The following PEAK1 variants were observed in gnomAD, a reference collection of about 807,000 sequenced individuals.
PEAK1 encodes the protein pseudopodium enriched atypical kinase 1.
Under a neutral mutation model 124.7 loss-of-function variants are expected in PEAK1, and 54 were observed. The observed-to-expected ratio is 0.43, with a 90% CI of 0.35 to 0.54. The LOEUF (loss-of-function observed/expected upper bound fraction) is 0.54, where lower values mean the gene tolerates loss of function less well. PEAK1 is among the 20% of genes least tolerant of loss of function. PEAK1 has a pLI of 0.01. For synonymous variants in PEAK1, 719 were observed against 760.0 expected (o/e 0.95, Z 0.89); for missense variants, 2,046 against 2,134.5 (o/e 0.96, Z 0.82).
chr15:77,324,677 G>A (rs970651346), intron 2 of PEAK1, among the ~76,000 whole-genome samples: 2 of 152,128 alleles, frequency 1.3e-5, no homozygotes, highest in African/African-American at 2.4e-5. Context: ...AGAAGGCAAA[G>A]GGGGAGGAGG....
intron 2 of PEAK1, among the ~76,000 whole-genome samples, chr15:77,360,463 A>G (rs1261488990): frequency 1.3e-5 from 2 of 152,218 alleles, no homozygotes; most frequent in African/African-American, 2.4e-5. Flanking sequence ...ATCATTTCTC[A>G]TAAGAGATTT....
intron 2 of PEAK1, among the ~76,000 whole-genome samples, chr15:77,321,125 T>C (rs914323229): frequency 2.0e-5 from 3 of 152,236 alleles, no homozygotes; most frequent in Non-Finnish European, 4.4e-5. Context: ...AACATATGTG[T>C]GCATGTGTCT....
rs761199352 is a variant in PEAK1 at position 77,115,166 on chromosome 15, G to C, written c.4231C>G (p.Pro1411Ala). 1.2e-6 allele frequency: 2 copies of C among 1,614,028 alleles called. No individual in the cohort carries two copies. The highest frequency in any genetic ancestry group is 1.1e-5 in the South Asian group (1 of 91,080). The change falls in exon 10 of 10, where the codon CCT becomes GCT. Residue 1411 changes from proline (P) to alanine (A), a missense_variant. Pro to Ala is a conservative substitution (Grantham distance 27). Coordinates refer to ENST00000682557, the MANE Select transcript of PEAK1 (RefSeq NM_001385026.1). ...TCCATGTCATCCTCATCCTTTTCAG[G>C]GTCATCTGGATCCTCCCAGGGAAGC... is the stretch of plus-strand genomic sequence containing the variant. Reference protein sequence around the residue: ...RLLPWEDPDDPEKDEDDMEET... With the variant: ...RLLPWEDPDDAEKDEDDMEET...
chr15:77,328,834 A>T (rs1266820498), intron 2 of PEAK1, among the ~76,000 whole-genome samples: 6 of 152,202 alleles, frequency 3.9e-5, no homozygotes, highest in Non-Finnish European at 5.9e-5. Flanking sequence ...AGGAAGCAAC[A>T]ACAAACACAT....
intron 2 of PEAK1, among the ~76,000 whole-genome samples, chr15:77,353,340 T>C (rs1451057608): frequency 6.6e-6 from 1 of 152,146 alleles, no homozygotes; most frequent in African/African-American, 2.4e-5. Context: ...AAGTTTGGGA[T>C]GGCTGCTATA....
intron 5 of PEAK1, among the ~76,000 whole-genome samples, chr15:77,256,465 GCTTA>G (rs891619946): frequency 1.3e-5 from 2 of 151,824 alleles, no homozygotes; most frequent in African/African-American, 4.8e-5. Context: ...GAATCTGATA[GCTTA>G]CTGAGGAGAT....
rs2057264971 is a variant in PEAK1, at chr15:77,181,435, C to T, written c.492G>A (p.Gln164=). 3 of 1,614,014 alleles carry T rather than the reference C, an allele frequency of 1.9e-6. No homozygotes were observed. In the Admixed American group the frequency reaches 5.0e-5, roughly 27 times the overall value. ...TGGAGTTTGTTTCATTTCCTCTTAT[C>T]TGAGGGGCAGTATCCAAGCCTGCTA... ...KEIAGLDTAP[Q]IRGNETNSRE... The change falls in exon 7 of 10, where the codon CAG becomes CAA. Residue 164 remains glutamine, a synonymous_variant. Coordinates refer to ENST00000682557, the MANE Select transcript of PEAK1 (RefSeq NM_001385026.1).
rs1331277612 is a variant in PEAK1, at chr15:77,350,346, A to G, written c.-603+14817T>C. The G allele has an allele frequency of 9.1e-6, 9 of 985,314 alleles. No homozygotes were observed. In the Admixed American group the frequency reaches 4.9e-4, roughly 54 times the overall value. The allele number at this position is 985,314 out of a possible 1,614,324, so 61.0% of individuals were successfully genotyped here. On this transcript the variant is annotated intron_variant, in intron 2 of 9. Coordinates refer to ENST00000682557, the MANE Select transcript of PEAK1 (RefSeq NM_001385026.1). The stretch of plus-strand genomic sequence containing the variant: ...GAAATAGTCATGGCCAGAGAGTATC[A>G]TCAAATTAACTACTTAGCTCAGTTC...
At chr15:77,340,269 T>C (rs999066247) in intron 2 of PEAK1, among the ~76,000 whole-genome samples, 1 of 152,186 alleles carries the variant, frequency 6.6e-6, no homozygotes, top group Non-Finnish European at 1.5e-5. Context: ...GTCCACTCAT[T>C]GGGATATTAT....
At position 77,250,252 on chromosome 15, in the gene PEAK1, TATATA is replaced by T. The variant is rs2060814751; in HGVS notation, c.-115+2110_-115+2114del. Among the ~76,000 whole-genome samples, 10 of 71,202 alleles carry T rather than the reference TATATA, an allele frequency of 1.4e-4. 1 individual carries two copies. The highest frequency in any genetic ancestry group is 5.9e-4 in the Admixed American group (4 of 6,754). The allele number at this position is 71,202 out of a possible 152,430, so 46.7% of individuals were successfully genotyped here. A position where few individuals can be genotyped will look rare whatever the true frequency, so the allele number is the denominator to read the frequency against. ...ATATATGTATATGTATATATATATA[TATATA>T]TTTTTTTTTGACAGAGTTTCACTCC... On this transcript the variant is annotated intron_variant, in intron 6 of 9. Coordinates refer to ENST00000682557, the MANE Select transcript of PEAK1 (RefSeq NM_001385026.1).
chr15:77,230,689 G>A (rs1485902457), intron 6 of PEAK1, among the ~76,000 whole-genome samples: 1 of 152,078 alleles, frequency 6.6e-6, no homozygotes. Flanking sequence ...TAAAGGCCAG[G>A]AGTTTGAGAC....
In PEAK1 at chr15:77,133,185, C is replaced by A. The variant is rs770262113; in HGVS notation, c.3897G>T (p.Lys1299Asn). ...KIRSLHTDALKKLAVKCEDLF... is the reference protein window; with the variant it reads ...KIRSLHTDALNKLAVKCEDLF... Reference sequence around the variant, plus strand: ...GGTCTTCGCATTTAACAGCCAGTTTCTTCAAGGCATCTGTATGAAGGCTTC... The same window carrying A: ...GGTCTTCGCATTTAACAGCCAGTTTATTCAAGGCATCTGTATGAAGGCTTC... Residue 1299 changes from lysine to asparagine, a missense_variant, in exon 9 of 10, where the codon AAG (lysine) becomes AAT (asparagine). By Grantham distance (94) the Lys-to-Asn change is moderately conservative. Coordinates refer to ENST00000682557, the MANE Select transcript of PEAK1 (RefSeq NM_001385026.1). The surrounding 1 kb of genome is among the most constrained non-coding windows in gnomAD (Gnocchi z 4.2). The A allele has an allele frequency of 6.2e-7, 1 of 1,614,230 alleles. No individual in the cohort carries two copies. Among genetic ancestry groups the A allele is most frequent in the Non-Finnish European group, 8.5e-7 (1 of 1,180,036 alleles).
At chr15:77,297,977 G>A (rs1310242875) in intron 2 of PEAK1, among the ~76,000 whole-genome samples, 2 of 140,780 alleles carry the variant, frequency 1.4e-5, no homozygotes, top group Admixed American at 7.4e-5. Context: ...AGAATGGCGT[G>A]AAGCCGGGAA....
chr15:77,198,240 C>G (rs530972768), intron 6 of PEAK1, among the ~76,000 whole-genome samples: 24 of 152,158 alleles, frequency 1.6e-4, no homozygotes, highest in Non-Finnish European at 2.9e-4. Flanking sequence ...TAATCATCTC[C>G]ACATGAACAG....
chr15:77,270,170 T>A (rs1215474522), intron 5 of PEAK1, among the ~76,000 whole-genome samples: 2 of 152,162 alleles, frequency 1.3e-5, no homozygotes, highest in East Asian at 1.9e-4. Context: ...ACAGCCAATA[T>A]CATACTGAAT....
Position 77,196,145 on chromosome 15 carries a change from C to A in PEAK1, c.-114-14105G>T, listed in dbSNP as rs576108213. On this transcript the variant is annotated intron_variant, in intron 6 of 9. Coordinates refer to ENST00000682557, the MANE Select transcript of PEAK1 (RefSeq NM_001385026.1). ...AATGGACAATGGGTGAAGGACAGAT[C>A]AAATGAGGCTCTTGATCCAACTCCC... is the stretch of plus-strand genomic sequence containing the variant. Among the ~76,000 whole-genome samples the A allele has an allele frequency of 9.5e-4, 145 of 152,326 alleles. 1 individual carries two copies. The highest frequency in any genetic ancestry group is 1.3e-3 in the Non-Finnish European group (91 of 68,030).
chr15:77,370,915 A>G (rs569868680), intron 1 of PEAK1: 1 of 412,716 alleles, frequency 2.4e-6, no homozygotes, highest in East Asian at 1.6e-4. Flanking sequence ...CTGTAGTCCC[A>G]GCTACTCAGG....
intron 7 of PEAK1, 45 bp from the exon 8 acceptor site, chr15:77,158,741 T>C: frequency 2.5e-6 from 4 of 1,580,604 alleles, no homozygotes; most frequent in Non-Finnish European, 3.5e-6. Context: ...TGGAAGGTTC[T>C]ACTAAAATTT....
At chr15:77,412,959 TTAATTC>T (rs1363590132) in intron 1 of PEAK1, among the ~76,000 whole-genome samples, 5 of 152,174 alleles carry the variant, frequency 3.3e-5, no homozygotes, top group Admixed American at 6.5e-5. Flanking sequence ...ATGATAGCAT[TTAATTC>T]TAACACTAAG....
Sources: allele counts gnomAD v4.1 joint callset (sites outside exome capture counted in the v4.1 genomes callset), GRCh38; gene constraint gnomAD v4.1.1; non-coding constraint Gnocchi (gnomAD v3.1); transcripts MANE v1.5; gene names NCBI Gene and HGNC (gene_info 2026-07-23, HGNC 2026-07-21).